Variants in ATP6V0A4 observed in about 807,000 individuals in gnomAD.
ATP6V0A4 encodes V-type proton ATPase 116 kDa subunit a 4.
Under a neutral mutation model 107.3 loss-of-function variants are expected in ATP6V0A4, and 86 were observed. The ratio of observed to expected loss-of-function variants is 0.80; its 90% CI spans 0.67 to 0.96. The LOEUF (loss-of-function observed/expected upper bound fraction) is 0.96, where lower values mean the gene tolerates loss of function less well. Among genes scored for constraint, ATP6V0A4 ranks in the 40% least tolerant of loss-of-function variants. The pLI, the probability that ATP6V0A4 is intolerant of heterozygous loss-of-function variation, is 0.00. For synonymous variants in ATP6V0A4, 353 were observed against 381.4 expected (o/e 0.93, Z 0.87); for missense variants, 908 against 1,045.6 (o/e 0.87, Z 1.81).
At chr7:138,760,833 G>T (rs895403923) in intron 7 of ATP6V0A4, among the ~76,000 whole-genome samples, 3 of 152,046 alleles carry the variant, frequency 2.0e-5, no homozygotes, top group Non-Finnish European at 1.5e-5. Flanking sequence ...TTTCAGAAAT[G>T]CTTTAAAATG....
chr7:138,792,774 T>TTTG (rs1563025315), intron 1 of ATP6V0A4, among the ~76,000 whole-genome samples: 1 of 38,532 alleles, frequency 2.6e-5, no homozygotes, highest in African/African-American at 1.1e-4. Flanking sequence ...TTGTTTTTTT[T>TTTG]TTTGTTGTTT....
rs377704642 is a variant in ATP6V0A4, at chr7:138,734,213, C to T, written c.1614G>A (p.Ser538=). The part of the protein sequence containing the change: ...LASNKLTFLN[S]YKMKMSVILG... ...GGATCACCGACATCTTCATTTTATACGAGTTCAGAAATGTGAGTTTGTTTG... is the reference window on the plus strand; with the variant it reads ...GGATCACCGACATCTTCATTTTATATGAGTTCAGAAATGTGAGTTTGTTTG... The change falls in exon 16 of 22, where the codon TCG becomes TCA. Residue 538 remains serine (S), a synonymous_variant. Transcript: ENST00000310018. 6.1e-5 allele frequency: 99 copies of T among 1,613,436 alleles called. No individual in the cohort carries two copies. The East Asian group carries it at 7.4e-4, about 12-fold the overall frequency.
rs398006555 is a variant in ATP6V0A4, at chr7:138,758,739, ATTTTTTTTTTTTTT to A, written c.639+999_639+1012del. On this transcript the variant is annotated intron_variant, in intron 8 of 21. Coordinates refer to ENST00000310018, the MANE Select transcript of ATP6V0A4 (RefSeq NM_020632.3). ...CCCCACTCAGACCCACTGACTCAGAATTTTTTTTTTTTTTTTTTTTTTTTTTTTTTTGAGGGAGT... is the reference window on the plus strand; with the variant it reads ...CCCCACTCAGACCCACTGACTCAGAATTTTTTTTTTTTTTTTTGAGGGAGT... Among the ~76,000 whole-genome samples, 45 of 59,208 alleles carry A rather than the reference ATTTTTTTTTTTTTT, an allele frequency of 7.6e-4. 1 individual carries two copies. The highest frequency in any genetic ancestry group is 5.9e-3 in the East Asian group (11 of 1,852). 38.8% of individuals were successfully genotyped at this position (59,208 alleles called of 152,430 possible). A position where few individuals can be genotyped will look rare whatever the true frequency, so the allele number is the denominator to read the frequency against.
Position 138,749,150 on chromosome 7 carries a change from G to A in ATP6V0A4, c.1180+17C>T. On this transcript the variant is annotated intron_variant, in intron 12 of 21. Transcript: ENST00000310018. ...CACTTTCAAGCTACCCAGTCGTGCA[G>A]TTCATCAGATCTTTACCTGGGTTTA... 1 of 1,613,800 alleles carries A rather than the reference G, an allele frequency of 6.2e-7. No homozygotes were observed. Among genetic ancestry groups the A allele is most frequent in the Non-Finnish European group, 8.5e-7 (1 of 1,179,922 alleles).
intron 15 of ATP6V0A4, among the ~76,000 whole-genome samples, chr7:138,734,561 G>A (rs2117243721): frequency 6.6e-6 from 1 of 152,188 alleles, no homozygotes; most frequent in South Asian, 2.1e-4. Context: ...TGTATCACTT[G>A]AGCTCAGGAG....
intron 1 of ATP6V0A4, among the ~76,000 whole-genome samples, chr7:138,795,476 C>A (rs1378570306): frequency 6.6e-6 from 1 of 152,174 alleles, no homozygotes; most frequent in African/African-American, 2.4e-5. Flanking sequence ...GTTTGCATAC[C>A]TCAGGTTCCG....
chr7:138,794,792 T>C (rs1342334601), intron 1 of ATP6V0A4, among the ~76,000 whole-genome samples: 3 of 152,140 alleles, frequency 2.0e-5, no homozygotes, highest in Non-Finnish European at 4.4e-5. Context: ...GTAGACCTGC[T>C]ACAAACAGCA....
chr7:138,737,188 A>T (rs966437874), intron 15 of ATP6V0A4, among the ~76,000 whole-genome samples: 2 of 144,242 alleles, frequency 1.4e-5, no homozygotes, highest in African/African-American at 5.2e-5. Flanking sequence ...CCCAAATTTC[A>T]TCTTGAATTG....
intron 5 of ATP6V0A4, among the ~76,000 whole-genome samples, chr7:138,768,075 A>G (rs1807182625): frequency 6.6e-6 from 1 of 152,126 alleles, no homozygotes; most frequent in South Asian, 2.1e-4. Flanking sequence ...CTGGGATTAC[A>G]GGCACCTACC....
chr7:138,714,236 A>AG lies in ATP6V0A4; in HGVS notation c.2257+1527dup, dbSNP rs1803908973. On this transcript the variant is annotated intron_variant, in intron 20 of 21. Coordinates refer to ENST00000310018, the MANE Select transcript of ATP6V0A4 (RefSeq NM_020632.3). Reference sequence around the variant, plus strand: ...GGGCAACAGAGGGAGACCCTGTCTTAGGAAAAAAAAAAAAAACGCTCCTCA... The same window carrying AG: ...GGGCAACAGAGGGAGACCCTGTCTTAGGGAAAAAAAAAAAAAACGCTCCTCA... Among the ~76,000 whole-genome samples, 3 of 74,078 alleles carry AG rather than the reference A, an allele frequency of 4.0e-5. No individual in the cohort carries two copies. In the South Asian group the frequency reaches 2.3e-3, roughly 56 times the overall value. 48.6% of individuals were successfully genotyped at this position (74,078 alleles called of 152,430 possible). A position where few individuals can be genotyped will look rare whatever the true frequency, so the allele number is the denominator to read the frequency against.
At chr7:138,768,740 C>T (rs1414430341) in intron 5 of ATP6V0A4, 40 bp downstream of exon 5, 2 of 1,610,668 alleles carry the variant, frequency 1.2e-6, no homozygotes, top group African/African-American at 2.7e-5. Context: ...GGCTTCATGA[C>T]TGTCCTTACC....
In ATP6V0A4 at chr7:138,756,433, G is replaced by T. The variant is rs897744274; in HGVS notation, c.722+25C>A. ...TCTAATCCTGGCCCAAATCACTGAAGAAAGAGCCATTCACTCCCTCTTACC... is the reference window on the plus strand; with the variant it reads ...TCTAATCCTGGCCCAAATCACTGAATAAAGAGCCATTCACTCCCTCTTACC... On this transcript the variant is annotated intron_variant, in intron 9 of 21. Coordinates refer to ENST00000310018, the MANE Select transcript of ATP6V0A4 (RefSeq NM_020632.3). The T allele has an allele frequency of 2.5e-6, 4 of 1,613,014 alleles. No homozygotes were observed. The African/African-American group carries it at 4.0e-5, about 16-fold the overall frequency.
chr7:138,718,049 GGGGTACAGTCA>G (rs1804153884), intron 19 of ATP6V0A4, among the ~76,000 whole-genome samples: 1 of 147,276 alleles, frequency 6.8e-6, no homozygotes, highest in Non-Finnish European at 1.5e-5. Context: ...AAGGAGTGGG[GGGGTACAGTCA>G]CGGGTGTCTG....
chr7:138,721,819 C>T, intron 19 of ATP6V0A4, 78 bp downstream of exon 19: 1 of 1,569,414 alleles, frequency 6.4e-7, no homozygotes, highest in Non-Finnish European at 8.8e-7. Context: ...TCCAGACCCA[C>T]CCAGCTCTAC....
intron 20 of ATP6V0A4, among the ~76,000 whole-genome samples, chr7:138,714,295 T>C (rs10429091): frequency 0.72 from 107,112 of 149,656 alleles, 38,642 homozygotes; most frequent in East Asian, 0.87. Context: ...GGGTCTGGAG[T>C]GCTGGGGCAC....
At chr7:138,752,398 G>A (rs912666558) in intron 11 of ATP6V0A4, among the ~76,000 whole-genome samples, 21 of 149,336 alleles carry the variant, frequency 1.4e-4, no homozygotes, top group Admixed American at 2.7e-4. Flanking sequence ...ACCTCAATAC[G>A]TACTCACAAA....
intron 1 of ATP6V0A4, among the ~76,000 whole-genome samples, chr7:138,795,226 A>T (rs1808601982): frequency 6.6e-6 from 1 of 152,274 alleles, no homozygotes; most frequent in Non-Finnish European, 1.5e-5. Context: ...TTCGAATAAC[A>T]AAGTTCTTCC....
At chr7:138,743,845 G>A (rs971807603) in intron 14 of ATP6V0A4, among the ~76,000 whole-genome samples, 3 of 152,140 alleles carry the variant, frequency 2.0e-5, no homozygotes, top group South Asian at 2.1e-4. Context: ...TCTCAGGTAC[G>A]TGATGCACGT....
chr7:138,779,302 C>G (rs1347163703), intron 2 of ATP6V0A4, among the ~76,000 whole-genome samples: 1 of 151,446 alleles, frequency 6.6e-6, no homozygotes, highest in Non-Finnish European at 1.5e-5. Flanking sequence ...GAGCCATGAT[C>G]ATGCCACTGC....
Sources: gnomAD v4.1 joint callset for allele counts (sites outside exome capture counted in the v4.1 genomes callset) on GRCh38, gnomAD v4.1.1 for gene constraint, MANE v1.5 for transcripts, NCBI Gene and HGNC (gene_info 2026-07-23, HGNC 2026-07-21) for gene names.